Variants in HPSE2 observed in about 807,000 individuals in gnomAD.
HPSE2 encodes the protein heparanase 2 (inactive).
A neutral mutation model predicts 60.5 loss-of-function variants in HPSE2; 38 were observed. That is an observed-to-expected ratio of 0.63 (90% confidence interval 0.48 to 0.82). HPSE2 has a LOEUF of 0.82. HPSE2 is among the 40% of genes least tolerant of loss of function. HPSE2 has a pLI of 0.00. For missense variants in HPSE2, 713 were observed against 740.4 expected (o/e 0.96, Z 0.43); for synonymous variants, 295 against 293.2 (o/e 1.01, Z -0.06).
chr10:98,809,184 C>A (rs1427421119), intron 3 of HPSE2, among the ~76,000 whole-genome samples: 1 of 151,980 alleles, frequency 6.6e-6, no homozygotes, highest in Non-Finnish European at 1.5e-5. Context: ...ATTTGTCTAG[C>A]AGAATTTAAG....
At chr10:98,849,249 A>G (rs1341652379) in intron 3 of HPSE2, among the ~76,000 whole-genome samples, 4 of 152,206 alleles carry the variant, frequency 2.6e-5, no homozygotes, top group Non-Finnish European at 5.9e-5. Flanking sequence ...AACTTTCACC[A>G]TAGTCTGTGT....
chr10:99,047,016 A>T (rs188596201), intron 3 of HPSE2, among the ~76,000 whole-genome samples: 4 of 152,302 alleles, frequency 2.6e-5, no homozygotes, highest in African/African-American at 9.6e-5. Flanking sequence ...TAGCCAAAGC[A>T]ATCCTAAGCA....
intron 3 of HPSE2, among the ~76,000 whole-genome samples, chr10:99,096,208 T>A (rs1448554299): frequency 6.6e-6 from 1 of 152,222 alleles, no homozygotes; most frequent in Non-Finnish European, 1.5e-5. Context: ...TAAAAATAAA[T>A]CTATAAATTT....
chr10:98,904,883 C>T (rs1237862503), intron 3 of HPSE2, among the ~76,000 whole-genome samples: 1 of 152,164 alleles, frequency 6.6e-6, no homozygotes, highest in Non-Finnish European at 1.5e-5. Flanking sequence ...AAATGACATA[C>T]TCAGTGTAAT....
At chr10:99,193,273 T>C (rs11517066) in intron 2 of HPSE2, among the ~76,000 whole-genome samples, 12,753 of 151,842 alleles carry the variant, frequency 0.084, 649 homozygotes, top group Non-Finnish European at 0.12. Flanking sequence ...TCAAAAAGCA[T>C]ACAAGTACCA....
chr10:98,762,567 C>G (rs553615899), intron 3 of HPSE2, among the ~76,000 whole-genome samples: 41 of 152,176 alleles, frequency 2.7e-4, no homozygotes, highest in African/African-American at 9.6e-4. Context: ...TGTGATAAAA[C>G]CATGGGCCAA....
chr10:98,696,826 G>T (rs1290322768), intron 5 of HPSE2, among the ~76,000 whole-genome samples: 1 of 152,192 alleles, frequency 6.6e-6, no homozygotes, highest in Non-Finnish European at 1.5e-5. Context: ...TACAACTCCA[G>T]GCTGTGCTTT....
intron 3 of HPSE2, among the ~76,000 whole-genome samples, chr10:98,888,517 A>C (rs1245941914): frequency 6.6e-6 from 1 of 152,150 alleles, no homozygotes; most frequent in Non-Finnish European, 1.5e-5. Context: ...CCTCCTAATT[A>C]CCTGTTTTGA....
intron 9 of HPSE2, among the ~76,000 whole-genome samples, chr10:98,560,611 T>C (rs1015890822): frequency 1.3e-5 from 2 of 152,228 alleles, no homozygotes; most frequent in Non-Finnish European, 2.9e-5. Context: ...CAGCAGGACA[T>C]TGCCTCCTTT....
At chr10:98,546,675 A>G (rs1286891597) in intron 9 of HPSE2, among the ~76,000 whole-genome samples, 1 of 151,410 alleles carries the variant, frequency 6.6e-6, no homozygotes, top group Non-Finnish European at 1.5e-5. Context: ...AAAGACTTAC[A>G]TGTTAGACCT....
chr10:98,556,364 A>G (rs896573860), intron 9 of HPSE2, among the ~76,000 whole-genome samples: 4 of 152,226 alleles, frequency 2.6e-5, no homozygotes, highest in African/African-American at 9.7e-5. Context: ...AAAGATGAGT[A>G]ATAATTAGAA....
chr10:98,762,995 C>A (rs4582899), intron 3 of HPSE2, among the ~76,000 whole-genome samples: 106,990 of 151,234 alleles, frequency 0.71, 38,827 homozygotes, highest in Non-Finnish European at 0.81. Context: ...TGCCTAAGAA[C>A]TAGAAACCAT....
At chr10:98,582,911 C>G (rs535417521) in intron 9 of HPSE2, among the ~76,000 whole-genome samples, 1 of 152,196 alleles carries the variant, frequency 6.6e-6, no homozygotes, top group Admixed American at 6.5e-5. Flanking sequence ...TTCTGTACCC[C>G]CTGCCACCCC....
intron 3 of HPSE2, among the ~76,000 whole-genome samples, chr10:98,857,507 T>C (rs1478016583): frequency 6.6e-6 from 1 of 152,154 alleles, no homozygotes; most frequent in Non-Finnish European, 1.5e-5. Flanking sequence ...TTCCCCAGTG[T>C]AGATTAATAT....
chr10:98,601,330 G>T (rs1481006761), intron 9 of HPSE2, among the ~76,000 whole-genome samples: 1 of 152,162 alleles, frequency 6.6e-6, no homozygotes, highest in Non-Finnish European at 1.5e-5. Flanking sequence ...GCCTAGCCAA[G>T]TTGACACATA....
chr10:98,663,204 A>C (rs1182438843), intron 6 of HPSE2, among the ~76,000 whole-genome samples: 1 of 152,132 alleles, frequency 6.6e-6, no homozygotes, highest in African/African-American at 2.4e-5. Flanking sequence ...AACAATCACT[A>C]CCAAGTATCT....
At chr10:98,576,899 A>C (rs866907951) in intron 9 of HPSE2, among the ~76,000 whole-genome samples, 6 of 151,814 alleles carry the variant, frequency 4.0e-5, no homozygotes, top group Middle Eastern at 3.4e-3. Flanking sequence ...CACATGGTTA[A>C]AAAAAATGCC....
At chr10:98,953,296 C>T (rs1955420302) in intron 3 of HPSE2, among the ~76,000 whole-genome samples, 1 of 152,164 alleles carries the variant, frequency 6.6e-6, no homozygotes, top group African/African-American at 2.4e-5. Context: ...ATTCTTCCCA[C>T]ATGACTAGAA....
chr10:99,265,451 G>A, the HPSE2 span, among the ~76,000 whole-genome samples: 1 of 152,150 alleles, frequency 6.6e-6, no homozygotes, highest in Non-Finnish European at 1.5e-5. Flanking sequence ...TTGGGGCGGG[G>A]AGAGCAAAAG....
Sources: gnomAD v4.1 joint callset for allele counts (sites outside exome capture counted in the v4.1 genomes callset) on GRCh38, gnomAD v4.1.1 for gene constraint, MANE v1.5 for transcripts, NCBI Gene and HGNC (gene_info 2026-07-23, HGNC 2026-07-21) for gene names.